Variants in DPY19L2 observed in about 807,000 individuals in gnomAD.
The protein encoded by DPY19L2 is dpy-19 like 2.
A neutral mutation model predicts 97.9 loss-of-function variants in DPY19L2; 34 were observed. That is an observed-to-expected ratio of 0.35 (90% CI 0.26 to 0.46). The LOEUF is 0.46. Ranked by LOEUF, DPY19L2 falls within the 20% of genes least tolerant of loss-of-function variation. The pLI is 1.00. For synonymous variants in DPY19L2, 230 were observed against 307.9 expected, an observed-to-expected ratio of 0.75 and a Z score of 2.65; for missense variants, 623 against 911.4, an observed-to-expected ratio of 0.68 and a Z score of 4.07.
intron 12 of DPY19L2, among the ~76,000 whole-genome samples, chr12:63,604,714 T>C (rs1044458509): frequency 6.6e-5 from 10 of 152,164 alleles, no homozygotes; most frequent in Admixed American, 2.6e-4. Context: ...AAAAATTCTG[T>C]GGTGAGCTTT....
intron 4 of DPY19L2, among the ~76,000 whole-genome samples, chr12:63,652,188 TCAA>T (rs1221685632): frequency 6.6e-6 from 1 of 152,156 alleles, no homozygotes; most frequent in Non-Finnish European, 1.5e-5. Context: ...GAAAAAGTGT[TCAA>T]CATCACTGAT....
intron 9 of DPY19L2, among the ~76,000 whole-genome samples, chr12:63,619,337 C>A (rs962836710): frequency 6.6e-6 from 1 of 151,922 alleles, no homozygotes; most frequent in African/African-American, 2.4e-5. Flanking sequence ...CCTTAATCTA[C>A]GAAAAACACA....
intron 5 of DPY19L2, among the ~76,000 whole-genome samples, chr12:63,645,661 C>T (rs1893315997): frequency 6.6e-6 from 1 of 152,128 alleles, no homozygotes; most frequent in African/African-American, 2.4e-5. Flanking sequence ...AACTATGTTT[C>T]ACATGATTCT....
Position 63,572,498 on chromosome 12 carries a change from T to A in DPY19L2, c.1901-1641A>T, listed in dbSNP as rs184814371. ...CTGGATCTGACTATGACCTGGGGGA[T>A]CTTGCCACCCTGAAGGGAAGGTCAC... On this transcript the variant is annotated intron_variant, in intron 19 of 21. Coordinates refer to ENST00000324472, the MANE Select transcript of DPY19L2 (RefSeq NM_173812.5). 6.1e-3 allele frequency among the ~76,000 whole-genome samples: 927 copies of A among 152,182 alleles called. 8 individuals are homozygous for A. Among genetic ancestry groups the A allele is most frequent in the South Asian group, 0.014 (67 of 4,814 alleles).
intron 12 of DPY19L2, among the ~76,000 whole-genome samples, chr12:63,604,880 C>T (rs996335730): frequency 2.6e-5 from 4 of 152,132 alleles, no homozygotes; most frequent in African/African-American, 9.7e-5. Context: ...TTGTTATTTT[C>T]TTCATTCTTG....
chr12:63,647,799 G>C (rs1893630382), intron 4 of DPY19L2, among the ~76,000 whole-genome samples: 1 of 152,154 alleles, frequency 6.6e-6, no homozygotes, highest in African/African-American at 2.4e-5. Context: ...AACTGCAATA[G>C]AGTAGAGCCC....
chr12:63,572,902 C>G lies in DPY19L2; in HGVS notation c.1901-2045G>C, dbSNP rs557802422. Reference sequence around the variant, plus strand: ...CATGGGGTGCCTCCTAGTGCAGATACAGCTGCAGCGACCAGAAACTTAGAT... The same window carrying G: ...CATGGGGTGCCTCCTAGTGCAGATAGAGCTGCAGCGACCAGAAACTTAGAT... On this transcript the variant is annotated intron_variant, in intron 19 of 21. Coordinates refer to ENST00000324472, the MANE Select transcript of DPY19L2 (RefSeq NM_173812.5). Among the ~76,000 whole-genome samples the G allele has an allele frequency of 3.3e-5, 5 of 152,310 alleles. No homozygotes were observed. In the South Asian group the frequency reaches 1.0e-3, roughly 32 times the overall value.
At chr12:63,570,642 T>A in intron 20 of DPY19L2, 116 bp downstream of exon 20, 1 of 987,630 alleles carries the variant, frequency 1.0e-6, no homozygotes, top group South Asian at 1.7e-5. Flanking sequence ...AAAATGAGGA[T>A]GAGTTTGTGT....
At chr12:63,655,106 A>G (rs1894791989) in intron 4 of DPY19L2, among the ~76,000 whole-genome samples, 1 of 152,166 alleles carries the variant, frequency 6.6e-6, no homozygotes, top group Non-Finnish European at 1.5e-5. Flanking sequence ...TCTATAATAT[A>G]TAAGGAACAT....
chr12:63,661,799 C>T (rs1394071533), intron 3 of DPY19L2, among the ~76,000 whole-genome samples: 1 of 152,106 alleles, frequency 6.6e-6, no homozygotes, highest in African/African-American at 2.4e-5. Context: ...CTGGTTTTAT[C>T]CCCCACATTT....
intron 6 of DPY19L2, among the ~76,000 whole-genome samples, chr12:63,629,733 T>A (rs1890244947): frequency 6.6e-6 from 1 of 151,982 alleles, no homozygotes; most frequent in Non-Finnish European, 1.5e-5. Flanking sequence ...AAGATACTCC[T>A]CGAGAAGAGC....
At chr12:63,597,977 T>C (rs981933789) in intron 13 of DPY19L2, 67 bp from the exon 14 acceptor site, 14 of 1,206,516 alleles carry the variant, frequency 1.2e-5, no homozygotes, top group Non-Finnish European at 1.5e-5. Context: ...ACAGTAATAC[T>C]TTATTGATGT....
chr12:63,606,560 G>A (rs898295857), intron 12 of DPY19L2, among the ~76,000 whole-genome samples: 1 of 152,020 alleles, frequency 6.6e-6, no homozygotes, highest in African/African-American at 2.4e-5. Context: ...AACATCTTTC[G>A]ATTCCTAGAA....
chr12:63,589,357 C>CAAAAAAAAAAAAAAGAAAAAA (rs1882443379), intron 16 of DPY19L2, among the ~76,000 whole-genome samples: 1 of 18,986 alleles, frequency 5.3e-5, no homozygotes, highest in Non-Finnish European at 1.0e-4. Flanking sequence ...AAATGTGTTG[C>CAAAAAAAAAAAAAAGAAAAAA]AAAAAAAAAA....
At chr12:63,613,103 C>A (rs928598901) in intron 11 of DPY19L2, among the ~76,000 whole-genome samples, 11 of 152,030 alleles carry the variant, frequency 7.2e-5, no homozygotes, top group African/African-American at 2.4e-4. Flanking sequence ...GGATTTTACA[C>A]AAATTCTTCA....
At chr12:63,633,194 G>C (rs61936111) in intron 6 of DPY19L2, among the ~76,000 whole-genome samples, 42,603 of 151,652 alleles carry the variant, frequency 0.28, 6,529 homozygotes, top group African/African-American at 0.43. Flanking sequence ...GCAATGGCAA[G>C]AAAAGCCGAA....
intron 12 of DPY19L2, 125 bp downstream of exon 12, chr12:63,608,491 T>G: frequency 1.1e-6 from 1 of 918,034 alleles, no homozygotes; most frequent in Non-Finnish European, 1.6e-6. Context: ...ATAGTAACTA[T>G]TTTTAAGACA....
At chr12:63,599,252 T>C (rs922043627) in intron 13 of DPY19L2, among the ~76,000 whole-genome samples, 1 of 149,906 alleles carries the variant, frequency 6.7e-6, no homozygotes, top group African/African-American at 2.4e-5. Context: ...AGAAACATAA[T>C]CATGAACAAA....
intron 11 of DPY19L2, among the ~76,000 whole-genome samples, chr12:63,615,646 T>C (rs1434994000): frequency 1.3e-5 from 2 of 152,154 alleles, no homozygotes; most frequent in African/African-American, 2.4e-5. Context: ...CAGGCAGATA[T>C]GCAGGAAACT....
Sources: allele counts gnomAD v4.1 joint callset (sites outside exome capture counted in the v4.1 genomes callset), GRCh38; gene constraint gnomAD v4.1.1; transcripts MANE v1.5; gene names NCBI Gene and HGNC (gene_info 2026-07-23, HGNC 2026-07-21).